Variants in CPE observed in about 807,000 individuals in gnomAD.
The protein encoded by CPE is carbocypeptidase E.
In CPE, 17 loss-of-function variants were observed where a neutral mutation model predicts 53.5. The ratio of observed to expected loss-of-function variants is 0.32; its 90% CI spans 0.22 to 0.48. CPE has a LOEUF of 0.48. Ranked by LOEUF, CPE falls within the 20% of genes least tolerant of loss-of-function variation. CPE has a pLI of 0.99. For missense variants in CPE, 524 were observed against 614.7 expected (o/e 0.85, Z 1.56); for synonymous variants, 226 against 228.8 (o/e 0.99, Z 0.11).
At chr4:165,472,266 A>G (rs768465033) in intron 3 of CPE, among the ~76,000 whole-genome samples, 2 of 152,184 alleles carry the variant, frequency 1.3e-5, no homozygotes, top group African/African-American at 2.4e-5. Flanking sequence ...TAATGTTACA[A>G]TCTTTAAAGT....
At chr4:165,418,564 C>T (rs1731160702) in intron 1 of CPE, among the ~76,000 whole-genome samples, 1 of 152,092 alleles carries the variant, frequency 6.6e-6, no homozygotes, top group African/African-American at 2.4e-5. Context: ...ATGAGAGATG[C>T]GTTATTCCAT....
At chr4:165,482,405 C>A in intron 4 of CPE, 46 bp downstream of exon 4, 1 of 1,325,026 alleles carries the variant, frequency 7.5e-7, no homozygotes, top group Non-Finnish European at 1.1e-6. Context: ...GTTTATAACA[C>A]TGTACAAGGT....
chr4:165,394,714 A>C (rs1277831443), intron 1 of CPE, among the ~76,000 whole-genome samples: 1 of 152,038 alleles, frequency 6.6e-6, no homozygotes, highest in African/African-American at 2.4e-5. Context: ...GCCCCTATTA[A>C]AATTTTTTTT....
chr4:165,394,593 T>C (rs1730734525), intron 1 of CPE, among the ~76,000 whole-genome samples: 1 of 152,170 alleles, frequency 6.6e-6, no homozygotes, highest in African/African-American at 2.4e-5. Context: ...TAAAAAAACA[T>C]ACTCGTGTTG....
intron 1 of CPE, chr4:165,405,361 T>C (rs755514295): frequency 5.7e-6 from 8 of 1,407,448 alleles, no homozygotes; most frequent in Non-Finnish European, 8.0e-6. Flanking sequence ...CCTTTGATTC[T>C]TTGGTCATTG....
chr4:165,494,750 A>T (rs1732675509), intron 7 of CPE, among the ~76,000 whole-genome samples: 1 of 152,150 alleles, frequency 6.6e-6, no homozygotes, highest in South Asian at 2.1e-4. Context: ...CTGCAAGGAG[A>T]TGTAGATTTA....
At chr4:165,384,401 G>A (rs1730554183) in intron 1 of CPE, among the ~76,000 whole-genome samples, 1 of 152,178 alleles carries the variant, frequency 6.6e-6, no homozygotes, top group Non-Finnish European at 1.5e-5. Flanking sequence ...GGCAGGAGGA[G>A]TGCTTAAGGC....
chr4:165,482,070 G>A (rs1732423864), intron 3 of CPE, among the ~76,000 whole-genome samples, 172 bp from the exon 4 acceptor site: 1 of 152,176 alleles, frequency 6.6e-6, no homozygotes, highest in Non-Finnish European at 1.5e-5. Context: ...AGTTAGACAT[G>A]AGGAATACTG....
At position 165,464,571 on chromosome 4, in the gene CPE, G is replaced by A; in HGVS notation, c.489G>A (p.Glu163=). 1 of 1,611,206 alleles carries A rather than the reference G, an allele frequency of 6.2e-7. No homozygotes were observed. The highest frequency in any genetic ancestry group is 8.5e-7 in the Non-Finnish European group (1 of 1,178,230). The change falls in exon 2 of 9, where the codon GAG becomes GAA. Residue 163 remains glutamate (E), a synonymous_variant. Transcript: ENST00000402744. ...CTTCCCTGAACCCAGATGGCTTTGA[G>A]AAGGCAGCGTCTCAGGTGAGTGCCA... is the stretch of plus-strand genomic sequence containing the variant. ...IMPSLNPDGF[E]KAASQPGELK... is the part of the protein sequence containing the mutation.
At chr4:165,458,467 T>A (rs978969394) in intron 1 of CPE, among the ~76,000 whole-genome samples, 9 of 152,164 alleles carry the variant, frequency 5.9e-5, no homozygotes, top group Non-Finnish European at 1.0e-4. Context: ...TTGGCAAAAA[T>A]TTGTTGTTGG....
rs1157424393 is a variant in CPE, at chr4:165,379,970, A to T, written c.307+442A>T. On this transcript the variant is annotated intron_variant, in intron 1 of 8. Coordinates refer to ENST00000402744, the MANE Select transcript of CPE (RefSeq NM_001873.4). This position sits in a 1 kb window ranked among gnomAD's most constrained non-coding sequence, Gnocchi z 6.0. ...TGGTCTTCCTTGCTGACAAGAGTAG[A>T]AAGATAAGGTGCAGAAGGCAGTGAT... 6.6e-6 allele frequency among the ~76,000 whole-genome samples: 1 copy of T among 152,228 alleles called. No individual in the cohort carries two copies. The highest frequency in any genetic ancestry group is 1.5e-5 in the Non-Finnish European group (1 of 68,032).
At chr4:165,425,686 T>C (rs1731304914) in intron 1 of CPE, among the ~76,000 whole-genome samples, 1 of 151,664 alleles carries the variant, frequency 6.6e-6, no homozygotes, top group South Asian at 2.1e-4. Context: ...TTAATTCCAA[T>C]AGAGTCCTAG....
intron 6 of CPE, among the ~76,000 whole-genome samples, chr4:165,490,813 G>T (rs543164593): frequency 1.3e-5 from 2 of 152,222 alleles, no homozygotes; most frequent in Non-Finnish European, 2.9e-5. Flanking sequence ...GGGTTTAGGG[G>T]CTATAAACAG....
At chr4:165,456,654 C>T (rs1438191556) in intron 1 of CPE, among the ~76,000 whole-genome samples, 4 of 151,844 alleles carry the variant, frequency 2.6e-5, no homozygotes, top group Admixed American at 6.6e-5. Context: ...GCAAGCTCCG[C>T]CTCCTGGGTT....
chr4:165,410,764 T>C (rs895190462), intron 1 of CPE, among the ~76,000 whole-genome samples: 1 of 152,224 alleles, frequency 6.6e-6, no homozygotes, highest in African/African-American at 2.4e-5. Flanking sequence ...AAAATTAATT[T>C]TATTTTCTTT....
At chr4:165,403,378 A>G (rs151170661) in intron 1 of CPE, among the ~76,000 whole-genome samples, 137 of 152,334 alleles carry the variant, frequency 9.0e-4, no homozygotes, top group Non-Finnish European at 1.6e-3. Flanking sequence ...AAAACAGTTT[A>G]TTAGAATTGC....
intron 1 of CPE, chr4:165,404,244 C>G (rs1472471590): frequency 9.2e-6 from 7 of 763,632 alleles, no homozygotes; most frequent in South Asian, 8.2e-5. Flanking sequence ...AGCCCGAAGA[C>G]GGCTCCAATG....
rs2126719362 is a variant in CPE, at chr4:165,495,617, A to G, written c.1272A>G (p.Ser424=). ...CTGGAAACTATAAACTTACAGCCTC[A>G]GCTCCAGGCTATCTGGCAATAACAA... ...LIPGNYKLTA[S]APGYLAITKK... Residue 424 remains serine, a synonymous_variant, in exon 8 of 9, where the codon TCA becomes TCG. Transcript: ENST00000402744. 6.2e-7 allele frequency: 1 copy of G among 1,614,036 alleles called. No individual in the cohort carries two copies. The highest frequency in any genetic ancestry group is 2.2e-5 in the East Asian group (1 of 44,856).
At chr4:165,471,536 G>C (rs2126704984) in intron 3 of CPE, among the ~76,000 whole-genome samples, 1 of 152,296 alleles carries the variant, frequency 6.6e-6, no homozygotes, top group African/African-American at 2.4e-5. Flanking sequence ...AGCACAGCAA[G>C]AATAATTATT....
Sources: allele counts gnomAD v4.1 joint callset (sites outside exome capture counted in the v4.1 genomes callset), GRCh38; gene constraint gnomAD v4.1.1; non-coding constraint Gnocchi (gnomAD v3.1); transcripts MANE v1.5; gene names NCBI Gene and HGNC (gene_info 2026-07-23, HGNC 2026-07-21).